ANKS1B: variants seen among roughly 807,000 people sequenced by gnomAD.
ANKS1B encodes the protein ankyrin repeat and sterile alpha motif domain-containing protein 1B.
In ANKS1B, 36 loss-of-function variants were observed where a neutral mutation model predicts 148.3. The observed-to-expected ratio is 0.24, with a 90% CI of 0.19 to 0.32. The LOEUF is 0.32. ANKS1B is among the 10% of genes least tolerant of loss of function. ANKS1B has a pLI of 1.00. For missense variants in ANKS1B, 1,157 were observed against 1,542.6 expected (o/e 0.75, Z 4.19); for synonymous variants, 542 against 560.8 (o/e 0.97, Z 0.47).
intron 19 of ANKS1B, among the ~76,000 whole-genome samples, chr12:98,815,052 G>T (rs898990798): frequency 6.6e-6 from 1 of 152,156 alleles, no homozygotes; most frequent in African/African-American, 2.4e-5. Flanking sequence ...AATTTCCAAA[G>T]TTTTCCTCCT....
chr12:99,322,939 A>C (rs777946112), intron 12 of ANKS1B, among the ~76,000 whole-genome samples: 5 of 152,122 alleles, frequency 3.3e-5, no homozygotes, highest in African/African-American at 7.2e-5. Context: ...CCACCATGTA[A>C]CATGTGTCTT....
chr12:98,765,898 G>A lies in ANKS1B; in HGVS notation c.3579+7144C>T, dbSNP rs2098474379. On this transcript the variant is annotated intron_variant, in intron 25 of 26. Coordinates refer to ENST00000683438, the MANE Select transcript of ANKS1B (RefSeq NM_001352186.2). ...GCATGAGCCATCGTGCCTGGCCCAT[G>A]GCATTCTCGCCCAAACTATGAAGCT... 2.0e-5 allele frequency among the ~76,000 whole-genome samples: 3 copies of A among 152,172 alleles called. No homozygotes were observed. The South Asian group carries it at 6.2e-4, about 32-fold the overall frequency.
At chr12:99,647,273 T>C (rs571218960) in intron 9 of ANKS1B, among the ~76,000 whole-genome samples, 4 of 152,286 alleles carry the variant, frequency 2.6e-5, no homozygotes. Context: ...CGTAATCATT[T>C]TTAGGGCTGC....
intron 14 of ANKS1B, among the ~76,000 whole-genome samples, chr12:99,238,721 G>A (rs1048877572): frequency 1.3e-5 from 2 of 152,156 alleles, no homozygotes; most frequent in Non-Finnish European, 2.9e-5. Flanking sequence ...GGAAGGATCA[G>A]GCAGCAATAT....
chr12:99,189,509 T>C (rs994528015), intron 14 of ANKS1B, among the ~76,000 whole-genome samples: 1 of 152,204 alleles, frequency 6.6e-6, no homozygotes, highest in East Asian at 1.9e-4. Context: ...TCAAGTTGGC[T>C]TCATCCCTGG....
At chr12:99,951,712 C>CGAAAAA (rs2095226331) in intron 1 of ANKS1B, among the ~76,000 whole-genome samples, 1 of 88,910 alleles carries the variant, frequency 1.1e-5, no homozygotes, top group Non-Finnish European at 2.4e-5. Flanking sequence ...TTGCCTCTAC[C>CGAAAAA]GAAAAAAAAA....
At chr12:99,175,823 G>A (rs1015859916) in intron 14 of ANKS1B, among the ~76,000 whole-genome samples, 7 of 152,068 alleles carry the variant, frequency 4.6e-5, no homozygotes, top group African/African-American at 1.7e-4. Flanking sequence ...TGTACACTGT[G>A]TTTTATTTTT....
intron 9 of ANKS1B, among the ~76,000 whole-genome samples, chr12:99,538,153 A>G (rs1414689092): frequency 1.3e-5 from 2 of 151,938 alleles, no homozygotes; most frequent in Admixed American, 6.6e-5. Flanking sequence ...TGTTTTGGTT[A>G]TTGTAGCTTT....
intron 10 of ANKS1B, among the ~76,000 whole-genome samples, chr12:99,455,976 G>A (rs866010932): frequency 2.6e-5 from 4 of 152,052 alleles, no homozygotes; most frequent in East Asian, 3.9e-4. Flanking sequence ...CAAAACCAGC[G>A]CACTTAACAA....
At chr12:99,517,919 C>G (rs1224827646) in intron 9 of ANKS1B, among the ~76,000 whole-genome samples, 1 of 151,930 alleles carries the variant, frequency 6.6e-6, no homozygotes, top group Non-Finnish European at 1.5e-5. Flanking sequence ...TGAAGGTTTT[C>G]TGTGATGAAA....
chr12:98,763,917 C>T (rs2098446549), intron 25 of ANKS1B, among the ~76,000 whole-genome samples: 1 of 152,158 alleles, frequency 6.6e-6, no homozygotes, highest in South Asian at 2.1e-4. Flanking sequence ...TTGGGCCTTA[C>T]TTTGTTAAAC....
intron 17 of ANKS1B, among the ~76,000 whole-genome samples, chr12:98,858,204 T>C (rs966476385): frequency 6.6e-6 from 1 of 152,176 alleles, no homozygotes; most frequent in Non-Finnish European, 1.5e-5. Flanking sequence ...GGATGATTTC[T>C]CTGAAAAGAC....
intron 1 of ANKS1B, among the ~76,000 whole-genome samples, chr12:99,911,727 T>A (rs1169497422): frequency 1.3e-5 from 2 of 152,116 alleles, no homozygotes; most frequent in Non-Finnish European, 2.9e-5. Flanking sequence ...CCTTTAAAAA[T>A]CGTCAACTCA....
chr12:99,929,356 C>A (rs905201631), intron 1 of ANKS1B, among the ~76,000 whole-genome samples: 3 of 152,014 alleles, frequency 2.0e-5, no homozygotes, highest in Admixed American at 6.6e-5. Context: ...TTGTTTTGTT[C>A]TTGTAAATTT....
chr12:99,955,482 A>G (rs1056573329), intron 1 of ANKS1B, among the ~76,000 whole-genome samples: 5 of 127,392 alleles, frequency 3.9e-5, no homozygotes, highest in Non-Finnish European at 8.0e-5. Flanking sequence ...GACAGAGCGA[A>G]ACTCCGTCTC....
chr12:99,402,733 A>T (rs1486401762), intron 11 of ANKS1B, among the ~76,000 whole-genome samples: 3 of 146,186 alleles, frequency 2.1e-5, no homozygotes, highest in African/African-American at 7.8e-5. Flanking sequence ...GTGAGCATTG[A>T]GGTTGATTCC....
intron 9 of ANKS1B, among the ~76,000 whole-genome samples, chr12:99,600,709 G>T (rs1026136875): frequency 6.6e-6 from 1 of 151,884 alleles, no homozygotes; most frequent in Admixed American, 6.6e-5. Context: ...AAACTTAACT[G>T]GGTCAAAAAT....
intron 8 of ANKS1B, among the ~76,000 whole-genome samples, chr12:99,720,226 G>T (rs950933862): frequency 6.6e-6 from 1 of 152,142 alleles, no homozygotes; most frequent in South Asian, 2.1e-4. Flanking sequence ...CATCAAGCTC[G>T]GGGATTTGCC....
rs2063336807 is a variant in ANKS1B, at chr12:99,772,926, C to T, written c.1124G>A (p.Ser375Asn). ...ATTCCCCCCCGCCTTACTTACTACA[C>T]TCTGGCTTCCATTTTTCCCAAGTTC... ...EEELGKNGSQ[S>N]VRTSSTINLS... The change falls in exon 8 of 27, where the codon AGT (serine) becomes AAT (asparagine). Residue 375 changes from serine (S) to asparagine (N), a missense_variant. Around this residue, in one of 6 missense-constraint regions of ANKS1B, gnomAD observed 661 missense variants for 642.1 expected, o/e 1.03. Coordinates refer to ENST00000683438, the MANE Select transcript of ANKS1B (RefSeq NM_001352186.2). 5.0e-6 allele frequency: 8 copies of T among 1,610,136 alleles called. No individual in the cohort carries two copies. Among genetic ancestry groups the T allele is most frequent in the Admixed American group, 1.7e-5 (1 of 59,620 alleles).
Sources: gnomAD v4.1 joint callset for allele counts (sites outside exome capture counted in the v4.1 genomes callset) on GRCh38, gnomAD v4.1.1 for gene constraint, gnomAD v4.1.1 regional missense constraint, MANE v1.5 for transcripts, NCBI Gene and HGNC (gene_info 2026-07-23, HGNC 2026-07-21) for gene names.